UGT3A2: variants seen among roughly 807,000 people sequenced by gnomAD.
The protein encoded by UGT3A2 is UDP glycosyltransferase family 3 member A2.
Under a neutral mutation model 39.8 loss-of-function variants are expected in UGT3A2, and 32 were observed. The ratio of observed to expected loss-of-function variants is 0.80; its 90% CI spans 0.61 to 1.08. The LOEUF (loss-of-function observed/expected upper bound fraction) is 1.08. Ranked by LOEUF, UGT3A2 falls within the 50% of genes least tolerant of loss-of-function variation. The pLI, the probability that UGT3A2 is intolerant of heterozygous loss-of-function variation, is 0.00. For missense variants in UGT3A2, 611 were observed against 637.1 expected, an observed-to-expected ratio of 0.96 and a Z score of 0.44; for synonymous variants, 241 against 230.7, an observed-to-expected ratio of 1.04 and a Z score of -0.40.
At chr5:36,065,708 C>T (rs1433529463) in intron 1 of UGT3A2, among the ~76,000 whole-genome samples, 1 of 152,132 alleles carries the variant, frequency 6.6e-6, no homozygotes, top group Non-Finnish European at 1.5e-5. Flanking sequence ...AGTAAGAAAA[C>T]CCTGAGTTAA....
chr5:36,056,756 A>C (rs1488236722), intron 2 of UGT3A2, among the ~76,000 whole-genome samples: 1 of 152,202 alleles, frequency 6.6e-6, no homozygotes, highest in African/African-American at 2.4e-5. Flanking sequence ...TTATCATCCT[A>C]ATAGGCTGAG....
chr5:36,052,800 T>C (rs1421038051), intron 2 of UGT3A2, among the ~76,000 whole-genome samples: 2 of 152,220 alleles, frequency 1.3e-5, no homozygotes, highest in African/African-American at 4.8e-5. Flanking sequence ...TCTTAATGCA[T>C]GTGTGCCTTC....
chr5:36,065,259 A>G (rs937611019), intron 1 of UGT3A2, among the ~76,000 whole-genome samples: 1 of 152,186 alleles, frequency 6.6e-6, no homozygotes, highest in East Asian at 1.9e-4. Context: ...GGAGTAGAGA[A>G]GTAGTGTTCA....
At chr5:36,065,223 A>C (rs1742840999) in intron 1 of UGT3A2, among the ~76,000 whole-genome samples, 1 of 152,186 alleles carries the variant, frequency 6.6e-6, no homozygotes, top group Non-Finnish European at 1.5e-5. Flanking sequence ...AGTAAATACC[A>C]AAAGCCTGCG....
intron 1 of UGT3A2, 55 bp downstream of exon 1, chr5:36,066,641 G>A: frequency 6.2e-7 from 1 of 1,610,426 alleles, no homozygotes; most frequent in Middle Eastern, 1.7e-4. Context: ...TGGAGCCCTG[G>A]CAGTGCGAGT....
chr5:36,059,929 C>T (rs1387329391), intron 2 of UGT3A2, among the ~76,000 whole-genome samples: 1 of 152,178 alleles, frequency 6.6e-6, no homozygotes, highest in East Asian at 1.9e-4. Context: ...GAACAGGAGA[C>T]TGGAGGGACT....
Position 36,045,232 on chromosome 5 carries a change from A to C in UGT3A2, c.843+3657T>G, listed in dbSNP as rs192296317. Among the ~76,000 whole-genome samples the C allele has an allele frequency of 4.6e-5, 7 of 152,280 alleles. No individual in the cohort carries two copies. The East Asian group carries it at 1.3e-3, about 29-fold the overall frequency. On this transcript the variant is annotated intron_variant, in intron 4 of 6. Transcript: ENST00000282507. Reference sequence around the variant, plus strand: ...ACAAGGGTGCCAAGAACATAAAGACAGTCTCTTCAATGAATGGTGCTAAAA... The same window carrying C: ...ACAAGGGTGCCAAGAACATAAAGACCGTCTCTTCAATGAATGGTGCTAAAA...
At chr5:36,047,828 C>T (rs1742213854) in intron 4 of UGT3A2, among the ~76,000 whole-genome samples, 1 of 152,152 alleles carries the variant, frequency 6.6e-6, no homozygotes, top group Non-Finnish European at 1.5e-5. Context: ...CCTTCTACTC[C>T]ACTAGTGTAG....
At chr5:36,046,669 G>A (rs1046542138) in intron 4 of UGT3A2, among the ~76,000 whole-genome samples, 3 of 152,160 alleles carry the variant, frequency 2.0e-5, no homozygotes, top group African/African-American at 7.2e-5. Context: ...TAGTTAGAAT[G>A]TATAAGGTCC....
Position 36,037,948 on chromosome 5 carries a change from C to A in UGT3A2, c.1144G>T (p.Gly382Cys), listed in dbSNP as rs756528102. 1 of 1,614,130 alleles carries A rather than the reference C, an allele frequency of 6.2e-7. No homozygotes were observed. The highest frequency in any genetic ancestry group is 8.5e-7 in the Non-Finnish European group (1 of 1,180,014). Residue 382 changes from glycine to cysteine, a missense_variant, in exon 6 of 7, where the codon GGT becomes TGT. By Grantham distance (159) the Gly-to-Cys change is radical. Transcript: ENST00000282507. Reference sequence around the variant, plus strand: ...AGAGGGATCCCCACCATGGGCACACCATGCTGGATGGCCTCCATTATGCTA... The same window carrying A: ...AGAGGGATCCCCACCATGGGCACACAATGCTGGATGGCCTCCATTATGCTA... ...QNSIMEAIQH[G>C]VPMVGIPLFG...
At chr5:36,053,446 T>C (rs1258390109) in intron 2 of UGT3A2, among the ~76,000 whole-genome samples, 1 of 152,202 alleles carries the variant, frequency 6.6e-6, no homozygotes, top group Non-Finnish European at 1.5e-5. Flanking sequence ...CTCATGTTTA[T>C]TACTTGAAAA....
intron 2 of UGT3A2, among the ~76,000 whole-genome samples, chr5:36,059,364 T>C (rs1470360392): frequency 1.4e-5 from 2 of 147,200 alleles, no homozygotes; most frequent in East Asian, 2.0e-4. Context: ...CTTTTCTCTT[T>C]TTTTTTTTTT....
chr5:36,066,623 C>G (rs879810361), intron 1 of UGT3A2, 73 bp downstream of exon 1: 18 of 1,606,284 alleles, frequency 1.1e-5, no homozygotes, highest in Non-Finnish European at 1.5e-5. Context: ...TGATCAAGCG[C>G]TGTTCTCTGG....
intron 4 of UGT3A2, among the ~76,000 whole-genome samples, chr5:36,047,958 C>T (rs1187657277): frequency 6.6e-6 from 1 of 152,146 alleles, no homozygotes; most frequent in Non-Finnish European, 1.5e-5. Flanking sequence ...AACTTCCTGC[C>T]ACAAATGCAA....
chr5:36,049,145 T>A lies in UGT3A2; in HGVS notation c.587A>T (p.Asp196Val), dbSNP rs1176175331. ...AAAATTCTTCACTCGGCCCCAGAAG[T>A]CCATGTGATCAGTCAGCAAGGAACG... ...VFRSLLTDHM[D>V]FWGRVKNFLM... The change falls in exon 4 of 7, where the codon GAC becomes GTC. Residue 196 changes from aspartate (D) to valine (V), a missense_variant. Transcript: ENST00000282507. The A allele has an allele frequency of 6.2e-7, 1 of 1,614,084 alleles. No homozygotes were observed. The highest frequency in any genetic ancestry group is 8.5e-7 in the Non-Finnish European group (1 of 1,180,028).
rs1170089841 is a variant in UGT3A2, at chr5:36,035,706, C to T, written c.1564G>A (p.Glu522Lys). Reference sequence around the variant, plus strand: ...CAAGGCTGCACCTGGCCTTATGTCTCCTTCACCTTTCTGGCCCCACGCAGC... The same window carrying T: ...CAAGGCTGCACCTGGCCTTATGTCTTCTTCACCTTTCTGGCCCCACGCAGC... Reference protein sequence around the residue: ...WWLRGARKVKET With the variant: ...WWLRGARKVKKT The change falls in exon 7 of 7, where the codon GAG becomes AAG. Residue 522 changes from glutamate to lysine, a missense_variant. Coordinates refer to ENST00000282507, the MANE Select transcript of UGT3A2 (RefSeq NM_174914.4). 1 of 1,614,072 alleles carries T rather than the reference C, an allele frequency of 6.2e-7. No individual in the cohort carries two copies. The highest frequency in any genetic ancestry group is 1.1e-5 in the South Asian group (1 of 91,084).
At chr5:36,058,775 C>T (rs945030818) in intron 2 of UGT3A2, among the ~76,000 whole-genome samples, 12 of 152,166 alleles carry the variant, frequency 7.9e-5, no homozygotes, top group African/African-American at 2.9e-4. Flanking sequence ...GTTTTCATTT[C>T]TGTGTTTGTC....
intron 2 of UGT3A2, among the ~76,000 whole-genome samples, chr5:36,060,672 C>T (rs989463820): frequency 6.6e-6 from 1 of 152,106 alleles, no homozygotes; most frequent in Admixed American, 6.5e-5. Context: ...CGTTCAGTCT[C>T]GTAATGATGG....
At chr5:36,037,755 C>T (rs1741874452) in intron 6 of UGT3A2, 42 bp downstream of exon 6, 14 of 1,607,152 alleles carry the variant, frequency 8.7e-6, no homozygotes, top group Non-Finnish European at 1.2e-5. Flanking sequence ...GTGTTTTTGC[C>T]TTCATTCGTC....
Sources: gnomAD v4.1 joint callset for allele counts (sites outside exome capture counted in the v4.1 genomes callset) on GRCh38, gnomAD v4.1.1 for gene constraint, MANE v1.5 for transcripts, NCBI Gene and HGNC (gene_info 2026-07-23, HGNC 2026-07-21) for gene names.